CSMD1: variants seen among roughly 807,000 people sequenced by gnomAD.
CSMD1 encodes the protein CUB and sushi domain-containing protein 1.
CSMD1 carries 213 observed loss-of-function variants against 417.5 expected under a neutral mutation model. The ratio of observed to expected loss-of-function variants is 0.51; its 90% CI spans 0.46 to 0.57. The LOEUF (loss-of-function observed/expected upper bound fraction) is 0.57, where lower values mean the gene tolerates loss of function less well. CSMD1 is among the 20% of genes least tolerant of loss of function. CSMD1 has a pLI of 0.00. For missense variants in CSMD1, 6,923 were observed against 4,529.7 expected (o/e 1.53, Z -15.17); for synonymous variants, 2,862 against 1,736.8 (o/e 1.65, Z -16.11).
At chr8:4,355,643 G>A (rs1801385108) in intron 3 of CSMD1, among the ~76,000 whole-genome samples, 1 of 152,164 alleles carries the variant, frequency 6.6e-6, no homozygotes, top group Non-Finnish European at 1.5e-5. Context: ...AATCATTCAA[G>A]AAAAGCAAGC....
chr8:4,939,989 G>C (rs773889258), intron 1 of CSMD1, among the ~76,000 whole-genome samples: 2 of 152,042 alleles, frequency 1.3e-5, no homozygotes, highest in African/African-American at 2.4e-5. Flanking sequence ...TTCAGAGTAG[G>C]GTTATTGGGA....
chr8:3,013,893 C>T (rs1449304753), intron 52 of CSMD1, among the ~76,000 whole-genome samples: 1 of 152,034 alleles, frequency 6.6e-6, no homozygotes, highest in Non-Finnish European at 1.5e-5. Context: ...CCTGGGCGAA[C>T]AGAGGATGGG....
intron 3 of CSMD1, among the ~76,000 whole-genome samples, chr8:4,148,345 A>T (rs1796388171): frequency 8.2e-6 from 1 of 122,472 alleles, no homozygotes. Flanking sequence ...AGGAAGGGAA[A>T]CATCACACAC....
At chr8:3,256,940 A>T (rs1380345357) in intron 26 of CSMD1, among the ~76,000 whole-genome samples, 2 of 152,276 alleles carry the variant, frequency 1.3e-5, no homozygotes, top group Non-Finnish European at 2.9e-5. Flanking sequence ...ATTTTACATT[A>T]TCTAAAACTC....
At chr8:3,504,222 T>G (rs1390976440) in intron 10 of CSMD1, among the ~76,000 whole-genome samples, 1 of 148,656 alleles carries the variant, frequency 6.7e-6, no homozygotes, top group East Asian at 2.0e-4. Flanking sequence ...ACAGGTACAA[T>G]TATTATGTAT....
intron 3 of CSMD1, among the ~76,000 whole-genome samples, chr8:4,229,278 C>A (rs1311583513): frequency 6.6e-6 from 1 of 152,192 alleles, no homozygotes; most frequent in South Asian, 2.1e-4. Context: ...ATCCTCCCCA[C>A]CTCATTCTTC....
intron 3 of CSMD1, among the ~76,000 whole-genome samples, chr8:4,121,924 C>A (rs948772662): frequency 2.0e-5 from 3 of 151,900 alleles, no homozygotes; most frequent in Non-Finnish European, 4.4e-5. Flanking sequence ...ACATCACACT[C>A]CCTGATTTTA....
chr8:3,526,156 T>C (rs1011324264), intron 10 of CSMD1, among the ~76,000 whole-genome samples: 2 of 152,202 alleles, frequency 1.3e-5, no homozygotes, highest in Admixed American at 6.5e-5. Flanking sequence ...TTTCAATTAA[T>C]TCAGAAATGT....
chr8:4,112,886 G>A (rs753569062), intron 3 of CSMD1, among the ~76,000 whole-genome samples: 3 of 152,178 alleles, frequency 2.0e-5, no homozygotes, highest in Non-Finnish European at 2.9e-5. Context: ...TACCAACGTG[G>A]CATCAAGCAA....
intron 5 of CSMD1, among the ~76,000 whole-genome samples, chr8:3,860,423 A>G (rs1322400065): frequency 6.6e-6 from 1 of 152,194 alleles, no homozygotes; most frequent in Non-Finnish European, 1.5e-5. Context: ...CTATGTTACT[A>G]AAACAATAAA....
intron 35 of CSMD1, 39 bp downstream of exon 35, chr8:3,188,848 G>A (rs1476771114): frequency 1.4e-6 from 2 of 1,465,048 alleles, no homozygotes; most frequent in Non-Finnish European, 1.8e-6. Context: ...ATGGACCCCA[G>A]CTGAGCCCTG....
chr8:2,954,323 G>A (rs754011984), intron 64 of CSMD1, 55 bp from the exon 65 acceptor site: 18 of 1,132,222 alleles, frequency 1.6e-5, no homozygotes, highest in Non-Finnish European at 2.2e-5. Flanking sequence ...TTTTGAGTAA[G>A]TTTGAAAAAA....
At chr8:4,146,911 C>T (rs1804171168) in intron 3 of CSMD1, among the ~76,000 whole-genome samples, 1 of 144,338 alleles carries the variant, frequency 6.9e-6, no homozygotes, top group African/African-American at 2.9e-5. Flanking sequence ...CCGCACCGGC[C>T]AGACACACTG....
At position 3,839,767 on chromosome 8, in the gene CSMD1, G is replaced by C. The variant is rs142091530; in HGVS notation, c.819-85725C>G. Among the ~76,000 whole-genome samples, 1,072 of 151,428 alleles carry C rather than the reference G, an allele frequency of 7.1e-3. 12 individuals carry two copies. The highest frequency in any genetic ancestry group is 0.025 in the African/African-American group (1,021 of 41,282). On this transcript the variant is annotated intron_variant, in intron 5 of 69. Transcript: ENST00000635120. ...AACCCATGAGTGCTGCCACTGCTCA[G>C]AGAGTTTATATTTGTTCCCAGAGAA...
intron 1 of CSMD1, among the ~76,000 whole-genome samples, chr8:4,976,874 G>T (rs538045669): frequency 2.6e-5 from 4 of 152,164 alleles, no homozygotes; most frequent in Non-Finnish European, 4.4e-5. Context: ...GAAATATAGA[G>T]GGACATTGCT....
chr8:4,149,259 C>G (rs546092297), intron 3 of CSMD1, among the ~76,000 whole-genome samples: 1 of 152,274 alleles, frequency 6.6e-6, no homozygotes, highest in South Asian at 2.1e-4. Flanking sequence ...CCACTATGCC[C>G]AGCCCGTAAT....
chr8:3,157,348 G>C (rs545848310), intron 39 of CSMD1, among the ~76,000 whole-genome samples: 1 of 152,222 alleles, frequency 6.6e-6, no homozygotes, highest in Non-Finnish European at 1.5e-5. Context: ...TATGCTAACA[G>C]TTTAGGGAGT....
chr8:4,673,581 G>T (rs1345294357), intron 1 of CSMD1, among the ~76,000 whole-genome samples: 3 of 152,100 alleles, frequency 2.0e-5, no homozygotes, highest in African/African-American at 7.2e-5. Context: ...CCTTGTGCTT[G>T]GGGGAAACTC....
chr8:3,977,937 G>A lies in CSMD1; in HGVS notation c.818+19966C>T, dbSNP rs186604928. ...CATGTCAGCCACATCGTGCCATGGA[G>A]AGGTCATGTGCACGGCTGCCTTTTA... On this transcript the variant is annotated intron_variant, in intron 5 of 69. Transcript: ENST00000635120. Among the ~76,000 whole-genome samples the A allele has an allele frequency of 1.8e-4, 27 of 152,320 alleles. No individual in the cohort carries two copies. In the East Asian group the frequency reaches 4.4e-3, roughly 25 times the overall value.
Sources: allele counts gnomAD v4.1 joint callset (sites outside exome capture counted in the v4.1 genomes callset), GRCh38; gene constraint gnomAD v4.1.1; transcripts MANE v1.5; gene names NCBI Gene and HGNC (gene_info 2026-07-23, HGNC 2026-07-21).